Variants in TRAPPC9 observed in about 807,000 individuals in gnomAD.
TRAPPC9 encodes the protein trafficking protein particle complex subunit 9.
TRAPPC9 carries 83 observed loss-of-function variants against 124.0 expected under a neutral mutation model. The observed-to-expected ratio is 0.67, with a 90% CI of 0.56 to 0.80. TRAPPC9 has a LOEUF of 0.80. Among genes scored for constraint, TRAPPC9 ranks in the 30% least tolerant of loss-of-function variants. The pLI, the probability that TRAPPC9 is intolerant of heterozygous loss-of-function variation, is 0.00. For synonymous variants in TRAPPC9, 638 were observed against 617.5 expected, an observed-to-expected ratio of 1.03 and a Z score of -0.49; for missense variants, 1,302 against 1,508.3, an observed-to-expected ratio of 0.86 and a Z score of 2.27.
intron 19 of TRAPPC9, among the ~76,000 whole-genome samples, chr8:139,967,257 T>C (rs1027412155): frequency 5.3e-5 from 8 of 152,218 alleles, no homozygotes; most frequent in Non-Finnish European, 1.0e-4. Flanking sequence ...CTCCCCAGTA[T>C]GTCTCAGAGA....
At chr8:139,868,213 G>T (rs983932769) in intron 21 of TRAPPC9, among the ~76,000 whole-genome samples, 2 of 152,140 alleles carry the variant, frequency 1.3e-5, no homozygotes, top group Admixed American at 6.5e-5. Context: ...ACAAAAATTA[G>T]CCAGGTGTGG....
At chr8:139,940,731 G>A (rs190088834) in intron 19 of TRAPPC9, among the ~76,000 whole-genome samples, 6 of 152,302 alleles carry the variant, frequency 3.9e-5, no homozygotes, top group Non-Finnish European at 7.3e-5. Context: ...AGGCACCTTG[G>A]CCAACGTCCC....
intron 21 of TRAPPC9, among the ~76,000 whole-genome samples, chr8:139,846,040 A>G (rs1827053392): frequency 6.6e-6 from 1 of 152,330 alleles, no homozygotes; most frequent in South Asian, 2.1e-4. Context: ...ATGGAGGAAG[A>G]GGTGGGTGCC....
chr8:139,983,277 T>C (rs1327253379), intron 19 of TRAPPC9, among the ~76,000 whole-genome samples: 1 of 152,188 alleles, frequency 6.6e-6, no homozygotes, highest in African/African-American at 2.4e-5. Flanking sequence ...CGTCTTGATC[T>C]TGAACCTGCA....
At chr8:140,409,301 C>A (rs149733647) in intron 5 of TRAPPC9, among the ~76,000 whole-genome samples, 1 of 152,164 alleles carries the variant, frequency 6.6e-6, no homozygotes, top group East Asian at 1.9e-4. Flanking sequence ...AAAAGCCTGA[C>A]AACACACAGT....
At chr8:140,259,542 T>C (rs534795635) in intron 15 of TRAPPC9, among the ~76,000 whole-genome samples, 43 of 152,242 alleles carry the variant, frequency 2.8e-4, no homozygotes, top group Non-Finnish European at 6.0e-4. Context: ...TATCTTAGTT[T>C]ACTCATCTAT....
At chr8:139,763,503 G>A (rs1405757922) in intron 21 of TRAPPC9, among the ~76,000 whole-genome samples, 2 of 138,822 alleles carry the variant, frequency 1.4e-5, no homozygotes, top group African/African-American at 5.2e-5. Flanking sequence ...CAGTCACCAC[G>A]TGCTAGGCAC....
At chr8:140,234,879 T>C (rs950587485) in intron 16 of TRAPPC9, among the ~76,000 whole-genome samples, 4 of 152,222 alleles carry the variant, frequency 2.6e-5, no homozygotes, top group Non-Finnish European at 4.4e-5. Flanking sequence ...AATATTTCCA[T>C]GACCTTGATG....
At chr8:140,047,192 T>C (rs1021818093) in intron 17 of TRAPPC9, among the ~76,000 whole-genome samples, 1 of 152,220 alleles carries the variant, frequency 6.6e-6, no homozygotes, top group African/African-American at 2.4e-5. Flanking sequence ...CCAGGGCGGA[T>C]GGTCACCCGC....
chr8:140,097,665 C>A lies in TRAPPC9; in HGVS notation c.2557-73586G>T, dbSNP rs1208645274. ...GAATGCCCAGCTGGATCTTGGGGTG[C>A]ACAGCCCCAGCTGTGCCGCTGTCCA... On this transcript the variant is annotated intron_variant, in intron 17 of 22. Coordinates refer to ENST00000438773, the MANE Select transcript of TRAPPC9 (RefSeq NM_001160372.4). This position sits in a 1 kb window ranked among gnomAD's most constrained non-coding sequence, Gnocchi z 4.2. The A allele has an allele frequency of 6.6e-6, 1 of 152,222 alleles. No individual in the cohort carries two copies. 9.4% of individuals were successfully genotyped at this position (152,222 alleles called of 1,614,324 possible). A position where few individuals can be genotyped will look rare whatever the true frequency, so the allele number is the denominator to read the frequency against.
chr8:140,458,348 A>C, upstream of TRAPPC9: 1 of 1,588,868 alleles, frequency 6.3e-7, no homozygotes, highest in Non-Finnish European at 8.6e-7. Context: ...GGCCCCGCGG[A>C]AGCCCACTGT....
chr8:140,128,307 CAA>C (rs1396100045), intron 17 of TRAPPC9, among the ~76,000 whole-genome samples: 1 of 152,162 alleles, frequency 6.6e-6, no homozygotes, highest in East Asian at 1.9e-4. Flanking sequence ...CACACACACA[CAA>C]GTTTTCATGG....
intron 17 of TRAPPC9, among the ~76,000 whole-genome samples, chr8:140,106,574 T>C (rs925712499): frequency 6.6e-6 from 1 of 152,248 alleles, no homozygotes; most frequent in Non-Finnish European, 1.5e-5. Flanking sequence ...GAACACCAGC[T>C]GTGTTCTTGG....
In TRAPPC9 at chr8:140,439,192, T is replaced by C; in HGVS notation, c.590A>G (p.Tyr197Cys). 1 of 1,614,186 alleles carries C rather than the reference T, an allele frequency of 6.2e-7. No individual in the cohort carries two copies. Among genetic ancestry groups the C allele is most frequent in the South Asian group, 1.1e-5 (1 of 91,092 alleles). ...CATGCGGCCTTGGCACCGCTTCTTGTAATGTCTAGAAAATACATGAAAATG... is the reference window on the plus strand; with the variant it reads ...CATGCGGCCTTGGCACCGCTTCTTGCAATGTCTAGAAAATACATGAAAATG... ...FVGLDTDSRHYKKRCQGRMRK... is the reference protein window; with the variant it reads ...FVGLDTDSRHCKKRCQGRMRK... Residue 197 changes from tyrosine (Y) to cysteine (C), a missense_variant, in exon 3 of 23, where the codon TAC becomes TGC. This residue lies in a region of TRAPPC9 where 657 missense variants were observed against 811.2 expected (regional missense o/e 0.81). Transcript: ENST00000438773.
At chr8:140,405,054 C>G (rs1247551554) in intron 6 of TRAPPC9, among the ~76,000 whole-genome samples, 1 of 151,996 alleles carries the variant, frequency 6.6e-6, no homozygotes, top group Non-Finnish European at 1.5e-5. Flanking sequence ...TTACTTGATG[C>G]CACTCTTCGG....
intron 17 of TRAPPC9, among the ~76,000 whole-genome samples, chr8:140,157,676 A>AT (rs1563805306): frequency 6.6e-6 from 1 of 152,140 alleles, no homozygotes; most frequent in Non-Finnish European, 1.5e-5. Flanking sequence ...TTTTCACTAA[A>AT]TTCAGTAATC....
chr8:140,457,509 G>C (rs1184354865), intron 1 of TRAPPC9, 130 bp downstream of exon 1: 1 of 775,052 alleles, frequency 1.3e-6, no homozygotes, highest in Non-Finnish European at 1.6e-6. Context: ...AGGTGTGGCG[G>C]GCTCCGCCCG....
At chr8:140,358,844 G>A (rs28412708) in intron 9 of TRAPPC9, among the ~76,000 whole-genome samples, 27,045 of 152,076 alleles carry the variant, frequency 0.18, 2,573 homozygotes, top group Middle Eastern at 0.36. Flanking sequence ...TGTCCTTGAC[G>A]GGCAAGAGCC....
At chr8:140,327,211 C>A (rs1416574505) in intron 9 of TRAPPC9, among the ~76,000 whole-genome samples, 9 of 152,082 alleles carry the variant, frequency 5.9e-5, no homozygotes, top group African/African-American at 1.4e-4. Context: ...TGAGATCACG[C>A]CACTGCACTC....
Sources: allele counts gnomAD v4.1 joint callset (sites outside exome capture counted in the v4.1 genomes callset), GRCh38; gene constraint gnomAD v4.1.1; regional missense constraint gnomAD v4.1.1; non-coding constraint Gnocchi (gnomAD v3.1); transcripts MANE v1.5; gene names NCBI Gene and HGNC (gene_info 2026-07-23, HGNC 2026-07-21).